EPS8: variants seen among roughly 807,000 people sequenced by gnomAD.
The protein encoded by EPS8 is EGFR pathway substrate 8, signaling adaptor, also known as epidermal growth factor receptor kinase substrate 8.
Under a neutral mutation model 103.8 loss-of-function variants are expected in EPS8, and 42 were observed. The ratio of observed to expected loss-of-function variants is 0.40; its 90% CI spans 0.32 to 0.52. EPS8 has a LOEUF of 0.52. Ranked by LOEUF, EPS8 falls within the 20% of genes least tolerant of loss-of-function variation. The probability of loss-of-function intolerance (pLI) is 0.40; values close to 1 mark genes in which losing one functional copy is unlikely to be tolerated. For synonymous variants in EPS8, 344 were observed against 344.6 expected (o/e 1.00, Z 0.02); for missense variants, 969 against 1,005.1 (o/e 0.96, Z 0.49).
chr12:15,674,709 G>A (rs752487244), intron 3 of EPS8, among the ~76,000 whole-genome samples: 3 of 152,078 alleles, frequency 2.0e-5, no homozygotes, highest in South Asian at 2.1e-4. Flanking sequence ...GAAAACTGCC[G>A]AACTGTCTTT....
Position 15,747,622 on chromosome 12 carries a change from T to C in EPS8, c.-22+41539A>G, listed in dbSNP as rs377519005. Among the ~76,000 whole-genome samples the C allele has an allele frequency of 1.3e-5, 2 of 152,214 alleles. No homozygotes were observed. Among genetic ancestry groups the C allele is most frequent in the East Asian group, 3.8e-4 (2 of 5,198 alleles). ...ATATTTTCCTTTCCCTCAGCCATCATTCAGCTTACAGAAAGAAGAAATGAA... is the reference window on the plus strand; with the variant it reads ...ATATTTTCCTTTCCCTCAGCCATCACTCAGCTTACAGAAAGAAGAAATGAA... On this transcript the variant is annotated intron_variant, in intron 1 of 20. Transcript: ENST00000281172. This position sits in a 1 kb window ranked among gnomAD's most constrained non-coding sequence, Gnocchi z 4.4.
At chr12:15,719,316 C>G (rs1407258571) in intron 1 of EPS8, among the ~76,000 whole-genome samples, 1 of 152,090 alleles carries the variant, frequency 6.6e-6, no homozygotes, top group African/African-American at 2.4e-5. Context: ...TGCCTGTTTT[C>G]TGAGTAGCAG....
intron 1 of EPS8, among the ~76,000 whole-genome samples, chr12:15,703,451 A>C (rs1946338690): frequency 6.6e-6 from 1 of 152,186 alleles, no homozygotes; most frequent in Admixed American, 6.5e-5. Context: ...TGAGGAGTGC[A>C]CCAGTTGGTA....
intron 1 of EPS8, among the ~76,000 whole-genome samples, chr12:15,788,529 A>C (rs1167585829): frequency 6.6e-6 from 1 of 152,196 alleles, no homozygotes; most frequent in Admixed American, 6.5e-5. Context: ...ATGGGTGGGG[A>C]AACCCCTTTC....
chr12:15,673,683 C>A lies in EPS8; in HGVS notation c.137-2760G>T, dbSNP rs576037650. 7.2e-5 allele frequency among the ~76,000 whole-genome samples: 11 copies of A among 152,308 alleles called. No individual in the cohort carries two copies. In the East Asian group the frequency reaches 2.1e-3, roughly 29 times the overall value. Reference sequence around the variant, plus strand: ...CTATATACTATCTCTTCAAGCAGAACATTTTCCTTTCCAAATTAAGAATGT... The same window carrying A: ...CTATATACTATCTCTTCAAGCAGAAAATTTTCCTTTCCAAATTAAGAATGT... On this transcript the variant is annotated intron_variant, in intron 3 of 20. Transcript: ENST00000281172.
chr12:15,653,860 A>G (rs578088085), intron 13 of EPS8, among the ~76,000 whole-genome samples: 1 of 152,314 alleles, frequency 6.6e-6, no homozygotes, highest in African/African-American at 2.4e-5. Context: ...TTTAAATGAC[A>G]GCTCTTCTTT....
At position 15,684,174 on chromosome 12, in the gene EPS8, T is replaced by C. The variant is rs150225744; in HGVS notation, c.-21-1202A>G. ...AAATAATAACAGAACTTAACTCTGA[T>C]TGGAAGAGCACAGAAAGCCTACATA... On this transcript the variant is annotated intron_variant, in intron 1 of 20. Transcript: ENST00000281172. This position sits in a 1 kb window ranked among gnomAD's most constrained non-coding sequence, Gnocchi z 4.9. 286 of 152,246 alleles carry C rather than the reference T, an allele frequency of 1.9e-3. 1 individual carries two copies. Among genetic ancestry groups the C allele is most frequent in the African/African-American group, 6.5e-3 (272 of 41,546 alleles). The allele number at this position is 152,246 out of a possible 1,614,324, so 9.4% of individuals were successfully genotyped here.
In EPS8 at chr12:15,761,164, A is replaced by G. The variant is rs1245570622; in HGVS notation, c.-22+27997T>C. On this transcript the variant is annotated intron_variant, in intron 1 of 20. Transcript: ENST00000281172. The surrounding 1 kb of genome is among the most constrained non-coding windows in gnomAD (Gnocchi z 4.5). ...ATGCCAACAGACAACAATCTGAAAA[A>G]GAAAAAAAAAGTAATCCCATTTACA... 6.6e-6 allele frequency among the ~76,000 whole-genome samples: 1 copy of G among 151,992 alleles called. No individual in the cohort carries two copies. Among genetic ancestry groups the G allele is most frequent in the African/African-American group, 2.4e-5 (1 of 41,446 alleles).
chr12:15,694,698 A>C (rs1048803032), intron 1 of EPS8, among the ~76,000 whole-genome samples: 2 of 152,204 alleles, frequency 1.3e-5, no homozygotes, highest in Non-Finnish European at 2.9e-5. Flanking sequence ...TTGCCTATAA[A>C]AGTAGTATGA....
At chr12:15,708,548 G>C (rs1946419154) in intron 1 of EPS8, among the ~76,000 whole-genome samples, 1 of 152,200 alleles carries the variant, frequency 6.6e-6, no homozygotes, top group African/African-American at 2.4e-5. Context: ...GAGACAGCCA[G>C]GCAATGTCTG....
At chr12:15,732,608 A>G (rs1946728922) in intron 1 of EPS8, 1 of 220,060 alleles carries the variant, frequency 4.5e-6, no homozygotes, top group South Asian at 1.6e-4. Flanking sequence ...CAACTGGTAA[A>G]TGTTCCTTAA....
At position 15,698,951 on chromosome 12, in the gene EPS8, A is replaced by G. The variant is rs1946277077; in HGVS notation, c.-21-15979T>C. On this transcript the variant is annotated intron_variant, in intron 1 of 20. Transcript: ENST00000281172. The surrounding 1 kb of genome is among the most constrained non-coding windows in gnomAD (Gnocchi z 4.9). ...CAACTAATCAAGGCCCAGATGCTTC[A>G]GATTTGAAAAAATGTAAATGACCAT... Among the ~76,000 whole-genome samples, 1 of 152,230 alleles carries G rather than the reference A, an allele frequency of 6.6e-6. No individual in the cohort carries two copies. Among genetic ancestry groups the G allele is most frequent in the Non-Finnish European group, 1.5e-5 (1 of 68,028 alleles).
intron 17 of EPS8, among the ~76,000 whole-genome samples, chr12:15,638,804 C>A (rs1002169575): frequency 3.9e-5 from 6 of 152,066 alleles, no homozygotes; most frequent in Non-Finnish European, 8.8e-5. Flanking sequence ...ACTTTCCCTG[C>A]GTATGATATA....
At position 15,665,601 on chromosome 12, in the gene EPS8, G is replaced by A. The variant is rs1591834465; in HGVS notation, c.736+155C>T. 10 of 820,354 alleles carry A rather than the reference G, an allele frequency of 1.2e-5. No individual in the cohort carries two copies. In the East Asian group the frequency reaches 2.8e-4, roughly 23 times the overall value. The allele number at this position is 820,354 out of a possible 1,614,324, so 50.8% of individuals were successfully genotyped here. ...CCGCCTCGGCCTCCCAAAGCACTGG[G>A]ATTACAGGCATGAGCCACTGCGCCC... is the stretch of plus-strand genomic sequence containing the variant. On this transcript the variant is annotated intron_variant, in intron 8 of 20. Transcript: ENST00000281172.
At chr12:15,627,178 G>A (rs1327112675) in intron 18 of EPS8, among the ~76,000 whole-genome samples, 2 of 151,940 alleles carry the variant, frequency 1.3e-5, no homozygotes, top group African/African-American at 4.8e-5. Context: ...ACTAATTTTT[G>A]TATTTTTAGT....
In EPS8 at chr12:15,717,561, TG is replaced by T. The variant is rs1387992869; in HGVS notation, c.-21-34590del. Among the ~76,000 whole-genome samples, 13 of 151,864 alleles carry T rather than the reference TG, an allele frequency of 8.6e-5. No homozygotes were observed. Among genetic ancestry groups the T allele is most frequent in the Non-Finnish European group, 2.9e-5 (2 of 68,004 alleles). ...GAGATCGTGCCATTGCACTCCAGCC[TG>T]GGTGACAGCACGAGACTCCATCTCA... On this transcript the variant is annotated intron_variant, in intron 1 of 20. Coordinates refer to ENST00000281172, the MANE Select transcript of EPS8 (RefSeq NM_004447.6). The surrounding 1 kb of genome is among the most constrained non-coding windows in gnomAD (Gnocchi z 4.3).
rs1435514461 is a variant in EPS8, at chr12:15,767,481, T to C, written c.-22+21680A>G. On this transcript the variant is annotated intron_variant, in intron 1 of 20. Transcript: ENST00000281172. The surrounding 1 kb of genome is among the most constrained non-coding windows in gnomAD (Gnocchi z 5.5). Reference sequence around the variant, plus strand: ...ACAGTGGCATAAAATGAAACCCTCCTCTAGGAACACCCTACTGAATGGAAC... The same window carrying C: ...ACAGTGGCATAAAATGAAACCCTCCCCTAGGAACACCCTACTGAATGGAAC... 1.3e-5 allele frequency among the ~76,000 whole-genome samples: 2 copies of C among 152,204 alleles called. No homozygotes were observed. The highest frequency in any genetic ancestry group is 4.8e-5 in the African/African-American group (2 of 41,458).
At position 15,727,855 on chromosome 12, in the gene EPS8, C is replaced by T. The variant is rs543487967; in HGVS notation, c.-21-44883G>A. On this transcript the variant is annotated intron_variant, in intron 1 of 20. Coordinates refer to ENST00000281172, the MANE Select transcript of EPS8 (RefSeq NM_004447.6). The surrounding 1 kb of genome is among the most constrained non-coding windows in gnomAD (Gnocchi z 4.3). Reference sequence around the variant, plus strand: ...CCTGGGCGACAGAGCGAGACTCCATCCCCAAAAAAAATAAAATAAAATAAA... The same window carrying T: ...CCTGGGCGACAGAGCGAGACTCCATTCCCAAAAAAAATAAAATAAAATAAA... 2.6e-5 allele frequency among the ~76,000 whole-genome samples: 4 copies of T among 152,022 alleles called. No homozygotes were observed. Among genetic ancestry groups the T allele is most frequent in the Non-Finnish European group, 5.9e-5 (4 of 67,960 alleles).
intron 15 of EPS8, among the ~76,000 whole-genome samples, chr12:15,643,740 G>T: frequency 3.9e-5 from 3 of 76,958 alleles, no homozygotes; most frequent in African/African-American, 1.5e-4. Flanking sequence ...ACTCTGTCTC[G>T]AAAAAAAAAA....
Sources: gnomAD v4.1 joint callset for allele counts (sites outside exome capture counted in the v4.1 genomes callset) on GRCh38, gnomAD v4.1.1 for gene constraint, Gnocchi (gnomAD v3.1) non-coding constraint, MANE v1.5 for transcripts, NCBI Gene and HGNC (gene_info 2026-07-23, HGNC 2026-07-21) for gene names.